The following BAZ2A variants were observed in gnomAD, a reference collection of about 807,000 sequenced individuals.
BAZ2A encodes the protein bromodomain adjacent to zinc finger domain 2A, also known as bromodomain adjacent to zinc finger domain protein 2A.
A neutral mutation model predicts 199.9 loss-of-function variants in BAZ2A; 34 were observed. The observed-to-expected ratio is 0.17, with a 90% CI of 0.13 to 0.23. The LOEUF (loss-of-function observed/expected upper bound fraction) is 0.23. BAZ2A is among the 10% of genes least tolerant of loss of function. The probability of loss-of-function intolerance (pLI) is 1.00; values close to 1 mark genes in which losing one functional copy is unlikely to be tolerated. For synonymous variants in BAZ2A, 857 were observed against 883.9 expected, an observed-to-expected ratio of 0.97 and a Z score of 0.54; for missense variants, 2,002 against 2,391.1, an observed-to-expected ratio of 0.84 and a Z score of 3.39.
At chr12:56,636,048 C>T in intron 1 of BAZ2A, 3 of 1,136,422 alleles carry the variant, frequency 2.6e-6, no homozygotes, top group South Asian at 1.5e-5. Flanking sequence ...GCCCTGTGCC[C>T]CCCGTCCCCC....
chr12:56,615,273 C>A lies in BAZ2A; in HGVS notation c.471G>T (p.Gly157=). ...FWANGTQSPM[G]LNFDSQELYD... ...ACAGTTCTTGTGAATCAAAGTTAAG[C>A]CCCATGGGACTCTGGGTACCGTTGG... Residue 157 remains glycine, a synonymous_variant, in exon 3 of 29, where the codon GGG becomes GGT. Transcript: ENST00000549884. 1.2e-6 allele frequency: 2 copies of A among 1,613,904 alleles called. No homozygotes were observed. Among genetic ancestry groups the A allele is most frequent in the South Asian group, 1.1e-5 (1 of 91,072 alleles).
intron 16 of BAZ2A, 26 bp downstream of exon 16, chr12:56,604,191 G>A (rs751156098): frequency 1.3e-5 from 21 of 1,584,834 alleles, no homozygotes; most frequent in African/African-American, 2.7e-5. Flanking sequence ...TCCTCTCTGA[G>A]GCTCTACTCT....
Position 56,610,160 on chromosome 12 carries a change from G to C in BAZ2A, c.1835C>G (p.Pro612Arg). The C allele has an allele frequency of 6.2e-7, 1 of 1,613,854 alleles. No homozygotes were observed. Among genetic ancestry groups the C allele is most frequent in the Non-Finnish European group, 8.5e-7 (1 of 1,179,874 alleles). Residue 612 changes from proline (P) to arginine (R), a missense_variant, in exon 9 of 29, where the codon CCC becomes CGC. Around this residue, in one of 6 missense-constraint regions of BAZ2A, gnomAD observed 74 missense variants for 126.1 expected, o/e 0.59. Coordinates refer to ENST00000549884, the MANE Select transcript of BAZ2A (RefSeq NM_001300905.2). Reference protein sequence around the residue: ...SVRREHFSFSPRMPVGDFFEE... With the variant: ...SVRREHFSFSRRMPVGDFFEE... ...AAAGAAATCTCCAACAGGCATACGG[G>C]GACTGAAGCTGAAGTGCTCTCGGCG... is the stretch of plus-strand genomic sequence containing the variant.
chr12:56,615,008 T>C lies in BAZ2A; in HGVS notation c.730+6A>G. 2 of 1,608,218 alleles carry C rather than the reference T, an allele frequency of 1.2e-6. No homozygotes were observed. Among genetic ancestry groups the C allele is most frequent in the Non-Finnish European group, 1.7e-6 (2 of 1,177,472 alleles). ...TTCCCCACCCAGTTCACCAACCCAG[T>C]TATACCTGGCTGCTCTTCTTCCAGC... On this transcript the variant is annotated splice_donor_region_variant and intron_variant, in intron 3 of 28. Coordinates refer to ENST00000549884, the MANE Select transcript of BAZ2A (RefSeq NM_001300905.2).
chr12:56,607,310 G>A (rs1168252036), intron 10 of BAZ2A, among the ~76,000 whole-genome samples: 4 of 152,196 alleles, frequency 2.6e-5, no homozygotes, highest in Admixed American at 1.3e-4. Context: ...GGGAAGACTT[G>A]TGGAAGTATA....
chr12:56,636,387 G>A, upstream of BAZ2A: 1 of 1,388,384 alleles, frequency 7.2e-7, no homozygotes, highest in Non-Finnish European at 9.4e-7. Flanking sequence ...ACTGGGGTGG[G>A]GAGGGAGGAG....
chr12:56,601,938 C>T lies in BAZ2A; in HGVS notation c.3679G>A (p.Ala1227Thr). 6.3e-7 allele frequency: 1 copy of T among 1,578,828 alleles called. No homozygotes were observed. The highest frequency in any genetic ancestry group is 8.6e-7 in the Non-Finnish European group (1 of 1,162,126). The part of the protein sequence containing the change: ...AQLQPEAQLH[A>T]PAQPQPQLQL... ...AGCTGAGGCTGGGGCTGGGCAGGAG[C>T]ATGAAGCTGAGCCTCAGGCTGAAGC... Residue 1227 changes from alanine (A) to threonine (T), a missense_variant, in exon 20 of 29, where the codon GCT becomes ACT. Transcript: ENST00000549884.
Position 56,604,948 on chromosome 12 carries a change from G to C in BAZ2A, c.2748+125C>G, listed in dbSNP as rs926453698. ...CCACAAAAGAAAAGGAAAAAATAAA[G>C]AAAAATAAAATAAGGAGAGGAGTCA... On this transcript the variant is annotated intron_variant, in intron 14 of 28. Transcript: ENST00000549884. 4 of 1,392,158 alleles carry C rather than the reference G, an allele frequency of 2.9e-6. No individual in the cohort carries two copies. The South Asian group carries it at 6.2e-5, about 22-fold the overall frequency. 86.2% of individuals were successfully genotyped at this position (1,392,158 alleles called of 1,614,324 possible).
At chr12:56,607,505 G>A (rs1950402592) in intron 10 of BAZ2A, among the ~76,000 whole-genome samples, 1 of 152,134 alleles carries the variant, frequency 6.6e-6, no homozygotes, top group South Asian at 2.1e-4. Flanking sequence ...CCCAGTAGCT[G>A]GGACTACAGG....
intron 1 of BAZ2A, 82 bp from the exon 2 acceptor site, chr12:56,617,614 C>A: frequency 7.1e-7 from 1 of 1,416,144 alleles, no homozygotes; most frequent in South Asian, 1.4e-5. Context: ...GGGGCAATGA[C>A]CCCTCCCCTC....
rs1885726648 is a variant in BAZ2A, at chr12:56,595,776, A to C, written c.*2842T>G. On this transcript the variant is annotated 3_prime_UTR_variant, in exon 29 of 29. Transcript: ENST00000549884. ...CAACTCAGCCAGACATTTAGGCAGGAGCACTAATGACCCTTTCCATCCACA... is the reference window on the plus strand; with the variant it reads ...CAACTCAGCCAGACATTTAGGCAGGCGCACTAATGACCCTTTCCATCCACA... 6.6e-6 allele frequency: 1 copy of C among 152,628 alleles called. No individual in the cohort carries two copies. The highest frequency in any genetic ancestry group is 2.1e-4 in the South Asian group (1 of 4,828). The allele number at this position is 152,628 out of a possible 1,614,324, so 9.5% of individuals were successfully genotyped here. A position where few individuals can be genotyped will look rare whatever the true frequency, so the allele number is the denominator to read the frequency against.
chr12:56,610,119 G>A lies in BAZ2A; in HGVS notation c.1876C>T (p.Pro626Ser), dbSNP rs1303432028. The change falls in exon 9 of 29, where the codon CCA (proline) becomes TCA (serine). Residue 626 changes from proline (P) to serine (S), a missense_variant. This residue lies in a region of BAZ2A where 74 missense variants were observed against 126.1 expected (regional missense o/e 0.59). Coordinates refer to ENST00000549884, the MANE Select transcript of BAZ2A (RefSeq NM_001300905.2). ...TTTAACCCTTGGGTCTGCACCTCTG[G>A]CGTGTCTCTTTCTTCAAAGAAATCT... ...VGDFFEERDT[P>S]EGLQWVQLSA... is the part of the protein sequence containing the mutation. 1 of 1,613,634 alleles carries A rather than the reference G, an allele frequency of 6.2e-7. No homozygotes were observed. The highest frequency in any genetic ancestry group is 8.5e-7 in the Non-Finnish European group (1 of 1,179,800).
chr12:56,600,593 G>A (rs2136738069), intron 23 of BAZ2A, 88 bp downstream of exon 23: 4 of 1,571,370 alleles, frequency 2.5e-6, no homozygotes, highest in Non-Finnish European at 3.4e-6. Context: ...GGTCACCTGT[G>A]AAGTAGGGAC....
Position 56,601,740 on chromosome 12 carries a change from C to T in BAZ2A, c.3877G>A (p.Gly1293Arg). 1.2e-6 allele frequency: 2 copies of T among 1,613,960 alleles called. No individual in the cohort carries two copies. The highest frequency in any genetic ancestry group is 1.7e-6 in the Non-Finnish European group (2 of 1,179,880). The change falls in exon 20 of 29, where the codon GGA (glycine) becomes AGA (arginine). Residue 1293 changes from glycine to arginine, a missense_variant. Physicochemically the swap from Gly to Arg is moderately radical, Grantham distance 125. This residue lies in a region of BAZ2A where 1,081 missense variants were observed against 1,274.7 expected (regional missense o/e 0.85). Transcript: ENST00000549884. The stretch of plus-strand genomic sequence containing the variant: ...TGTGATGGAGCTGGGTCTAGTTTTC[C>T]CGGACTGCTATCAGGTGTGAGGACT... ...SSVLTPDSSP[G>R]KLDPAPSQPP...
upstream of BAZ2A, among the ~76,000 whole-genome samples, chr12:56,633,373 A>T (rs1263683200): frequency 6.6e-6 from 1 of 152,114 alleles, no homozygotes; most frequent in Non-Finnish European, 1.5e-5. Flanking sequence ...ACCCCCTCCA[A>T]ACATGACTTA....
At chr12:56,606,175 T>C (rs1950345793) in intron 12 of BAZ2A, 72 bp downstream of exon 12, 1 of 1,602,500 alleles carries the variant, frequency 6.2e-7, no homozygotes, top group Non-Finnish European at 8.5e-7. Context: ...AAAACAAGAC[T>C]GATGTACATG....
rs1449855567 is a variant in BAZ2A, at chr12:56,600,970, G to C, written c.4423C>G (p.Gln1475Glu). 7 of 1,613,516 alleles carry C rather than the reference G, an allele frequency of 4.3e-6. No individual in the cohort carries two copies. The highest frequency in any genetic ancestry group is 4.0e-5 in the African/African-American group (3 of 74,900). ...KHLNKHRDFL[Q>E]EVCLRPSADP... ...GCTGAGGGCCGCAGGCAGACTTCCT[G>C]CAAGAAGTCCCTGTGCTTGTTAAGG... is the stretch of plus-strand genomic sequence containing the variant. Residue 1475 changes from glutamine (Q) to glutamate (E), a missense_variant, in exon 22 of 29, where the codon CAG (glutamine) becomes GAG (glutamate). Coordinates refer to ENST00000549884, the MANE Select transcript of BAZ2A (RefSeq NM_001300905.2).
intron 15 of BAZ2A, 24 bp downstream of exon 15, chr12:56,604,561 C>T (rs1468199384): frequency 1.3e-6 from 2 of 1,547,668 alleles, no homozygotes; most frequent in South Asian, 2.4e-5. Context: ...GATACAATGA[C>T]CATCCCCACT....
upstream of BAZ2A, among the ~76,000 whole-genome samples, chr12:56,634,547 C>T (rs1022205707): frequency 6.6e-6 from 1 of 152,228 alleles, no homozygotes; most frequent in Admixed American, 6.5e-5. Context: ...CCCCCGCCCC[C>T]CTTACTACGG....
Sources: gnomAD v4.1 joint callset for allele counts (sites outside exome capture counted in the v4.1 genomes callset) on GRCh38, gnomAD v4.1.1 for gene constraint, gnomAD v4.1.1 regional missense constraint, MANE v1.5 for transcripts, NCBI Gene and HGNC (gene_info 2026-07-23, HGNC 2026-07-21) for gene names.